The following INSL6 variants were observed in gnomAD, a reference collection of about 807,000 sequenced individuals.
INSL6 encodes insulin-like peptide INSL6.
A neutral mutation model predicts 9.4 loss-of-function variants in INSL6; 16 were observed. The observed-to-expected ratio is 1.70, with a 90% CI of 1.15 to 2.59. The LOEUF (loss-of-function observed/expected upper bound fraction) is 2.59. INSL6 is among the 30% of genes most tolerant of loss of function. The pLI, the probability that INSL6 is intolerant of heterozygous loss-of-function variation, is 0.00. For synonymous variants in INSL6, 154 were observed against 96.9 expected (o/e 1.59, Z -3.46); for missense variants, 391 against 257.3 (o/e 1.52, Z -3.56).
chr9:5,160,228 C>G (rs1295442354), downstream of INSL6, among the ~76,000 whole-genome samples: 1 of 148,562 alleles, frequency 6.7e-6, no homozygotes, highest in East Asian at 2.0e-4. Flanking sequence ...TAAAACATTC[C>G]AAAAAATTGA....
At chr9:5,081,724 G>C in the INSL6 span, 3 of 1,586,394 alleles carry the variant, frequency 1.9e-6, no homozygotes, top group Non-Finnish European at 2.6e-6. Context: ...TATTTCTCCA[G>C]ATTATGAACT....
chr9:5,083,518 G>T, the INSL6 span, among the ~76,000 whole-genome samples: 6 of 152,114 alleles, frequency 3.9e-5, no homozygotes, highest in Non-Finnish European at 5.9e-5. Flanking sequence ...AGCATTTATT[G>T]TTTCTTTTAT....
the INSL6 span, chr9:5,029,667 T>C: frequency 1.1e-6 from 1 of 882,476 alleles, no homozygotes; most frequent in Non-Finnish European, 1.7e-6. Flanking sequence ...CGACTGCTAT[T>C]ACATTTTGTT....
the INSL6 span, among the ~76,000 whole-genome samples, chr9:5,043,255 G>A: frequency 4.6e-5 from 7 of 152,216 alleles, no homozygotes; most frequent in East Asian, 9.6e-4. Context: ...CCAAGTGTAC[G>A]GAAATGGCGT....
intron 1 of INSL6, among the ~76,000 whole-genome samples, chr9:5,181,474 A>G (rs1389169628): frequency 6.6e-6 from 1 of 152,190 alleles, no homozygotes; most frequent in Non-Finnish European, 1.5e-5. Context: ...TTACTGAGAA[A>G]GTGAGGTAAT....
At chr9:5,000,758 C>A in the INSL6 span, among the ~76,000 whole-genome samples, 2 of 152,040 alleles carry the variant, frequency 1.3e-5, no homozygotes, top group African/African-American at 4.8e-5. Context: ...ATTGGAGATA[C>A]CATCTTCTTG....
At chr9:5,141,223 T>A (rs1824491185) in intron 2 of INSL6, among the ~76,000 whole-genome samples, 1 of 152,192 alleles carries the variant, frequency 6.6e-6, no homozygotes, top group Non-Finnish European at 1.5e-5. Context: ...ATATACCCAG[T>A]AATGGAATTG....
At chr9:5,096,440 T>A in the INSL6 span, among the ~76,000 whole-genome samples, 1 of 152,130 alleles carries the variant, frequency 6.6e-6, no homozygotes, top group Non-Finnish European at 1.5e-5. Context: ...CCCACAAAAA[T>A]TTAGTTAACA....
At chr9:5,075,619 G>C in the INSL6 span, among the ~76,000 whole-genome samples, 1,018 of 152,278 alleles carry the variant, frequency 6.7e-3, 13 homozygotes, top group African/African-American at 0.023. Flanking sequence ...CAGAAAAAAA[G>C]ATTGCTTTCA....
the INSL6 span, among the ~76,000 whole-genome samples, chr9:5,107,560 T>G: frequency 6.6e-6 from 1 of 152,294 alleles, no homozygotes; most frequent in African/African-American, 2.4e-5. Flanking sequence ...AGGGTTAGAT[T>G]GAATTGAATT....
chr9:5,185,551 G>C lies in INSL6; in HGVS notation c.52C>G (p.Arg18Gly). The C allele has an allele frequency of 6.2e-7, 1 of 1,613,858 alleles. No individual in the cohort carries two copies. The highest frequency in any genetic ancestry group is 1.3e-5 in the African/African-American group (1 of 75,044). The change falls in exon 1 of 2, where the codon CGG becomes GGG. Residue 18 changes from arginine (R) to glycine (G), a missense_variant. Transcript: ENST00000381641. Reference sequence around the variant, plus strand: ...ATGTCGCTCAGTTCACGAGAAAACCGAACCAGCAGGAGTCCAAGCCACAGC... The same window carrying C: ...ATGTCGCTCAGTTCACGAGAAAACCCAACCAGCAGGAGTCCAAGCCACAGC... ...SLLWLGLLLV[R>G]FSRELSDISS...
the INSL6 span, among the ~76,000 whole-genome samples, chr9:5,036,923 G>A: frequency 6.6e-6 from 1 of 152,142 alleles, no homozygotes; most frequent in Admixed American, 6.5e-5. Flanking sequence ...GAGTGAACAG[G>A]CAACCTACAG....
At chr9:5,130,703 TTTTTTTATTTTTTTTA>T (rs956211185) in intron 3 of INSL6, among the ~76,000 whole-genome samples, 6 of 147,986 alleles carry the variant, frequency 4.1e-5, no homozygotes, top group South Asian at 2.1e-4. Flanking sequence ...TGAATTTTCT[TTTTTTTATTTTTTTTA>T]TTTTTTATTT....
chr9:5,104,055 A>G, the INSL6 span, among the ~76,000 whole-genome samples: 2 of 152,208 alleles, frequency 1.3e-5, no homozygotes, highest in Non-Finnish European at 2.9e-5. Flanking sequence ...GAAGGCAAGA[A>G]ATAACTAAGA....
chr9:5,112,782 C>A, the INSL6 span: 1 of 587,642 alleles, frequency 1.7e-6, no homozygotes. Flanking sequence ...TTCGGAGGCC[C>A]CCAGATGGTG....
chr9:5,020,001 T>C, the INSL6 span, among the ~76,000 whole-genome samples: 2 of 152,172 alleles, frequency 1.3e-5, no homozygotes, highest in African/African-American at 4.8e-5. Flanking sequence ...GTCCAGGCAG[T>C]CCAATTTTTG....
At chr9:5,051,074 A>C in the INSL6 span, among the ~76,000 whole-genome samples, 12 of 152,176 alleles carry the variant, frequency 7.9e-5, no homozygotes, top group Non-Finnish European at 1.8e-4. Flanking sequence ...TTTCCTTTGA[A>C]CATCATGTTG....
the INSL6 span, chr9:5,112,128 C>T: frequency 6.4e-6 from 2 of 314,882 alleles, no homozygotes; most frequent in South Asian, 2.5e-5. Context: ...TCTGCAGCCA[C>T]GCCATGGGCA....
chr9:5,185,366 C>A lies in INSL6; in HGVS notation c.237G>T (p.Gln79His), dbSNP rs1586884112. Reference protein sequence around the residue: ...SEKVEAYSPYQFESPQTASPA... With the variant: ...SEKVEAYSPYHFESPQTASPA... ...GGGAAGCGGTTTGCGGGCTTTCGAA[C>A]TGGTATGGGCTGTAGGCTTCGACCT... is the stretch of plus-strand genomic sequence containing the variant. Residue 79 changes from glutamine (Q) to histidine (H), a missense_variant, in exon 1 of 2, where the codon CAG (glutamine) becomes CAT (histidine). By Grantham distance (24) the Gln-to-His change is conservative (BLOSUM62 0). Transcript: ENST00000381641. 1 of 1,614,122 alleles carries A rather than the reference C, an allele frequency of 6.2e-7. No individual in the cohort carries two copies. The highest frequency in any genetic ancestry group is 1.1e-5 in the South Asian group (1 of 91,068).
Sources: gnomAD v4.1 joint callset for allele counts (sites outside exome capture counted in the v4.1 genomes callset) on GRCh38, gnomAD v4.1.1 for gene constraint, MANE v1.5 for transcripts, NCBI Gene and HGNC (gene_info 2026-07-23, HGNC 2026-07-21) for gene names.